TMEM164: variants seen among roughly 807,000 people sequenced by gnomAD.
TMEM164 encodes RP13-360B22.2.
In TMEM164, 4 loss-of-function variants were observed where a neutral mutation model predicts 18.8. The observed-to-expected ratio is 0.21, with a 90% CI of 0.10 to 0.49. The LOEUF is 0.49. Among genes scored for constraint, TMEM164 ranks in the 20% least tolerant of loss-of-function variants. TMEM164 has a pLI of 0.98. For missense variants in TMEM164, 108 were observed against 239.9 expected (o/e 0.45, Z 3.63); for synonymous variants, 86 against 101.7 (o/e 0.85, Z 0.93).
At chrX:110,060,484 ATTCCTGTATATCC>A (rs757240657) in intron 2 of TMEM164, among the ~76,000 whole-genome samples, 2 of 111,484 alleles carry the variant, frequency 1.8e-5, no homozygotes, top group Admixed American at 1.9e-4. Context: ...ATTACAGAGA[ATTCCTGTATATCC>A]TTCACCCAGC....
chrX:110,030,820 A>AG (rs1245093119), intron 2 of TMEM164, among the ~76,000 whole-genome samples: 1 of 109,721 alleles, frequency 9.1e-6, no homozygotes, highest in African/African-American at 3.3e-5. Context: ...CAAAAAAAAA[A>AG]AAAAAGAAAA....
chrX:110,160,245 C>T (rs1205321679), intron 5 of TMEM164, among the ~76,000 whole-genome samples: 1 of 111,978 alleles, frequency 8.9e-6, no homozygotes, highest in Non-Finnish European at 1.9e-5. Flanking sequence ...TTTTCACTGA[C>T]CTCTAGCAGA....
chrX:110,099,226 G>A (rs1290733778), intron 3 of TMEM164, among the ~76,000 whole-genome samples: 3 of 110,370 alleles, frequency 2.7e-5, no homozygotes, highest in African/African-American at 9.9e-5. Context: ...TCTTTTCATT[G>A]TCTTAAAGTG....
chrX:110,066,593 G>T (rs1029650246), intron 2 of TMEM164, among the ~76,000 whole-genome samples: 2 of 112,228 alleles, frequency 1.8e-5, no homozygotes, highest in African/African-American at 6.5e-5. Flanking sequence ...CTCTGCATAG[G>T]ACTTTTTTGT....
intron 6 of TMEM164, among the ~76,000 whole-genome samples, chrX:110,172,687 A>G (rs2067247362): frequency 9.0e-6 from 1 of 111,518 alleles, no homozygotes. Context: ...CCCTCACCCC[A>G]TTCCTCACCA....
chrX:110,152,450 A>G (rs1181814818), intron 5 of TMEM164, among the ~76,000 whole-genome samples: 3 of 111,637 alleles, frequency 2.7e-5, no homozygotes, highest in South Asian at 3.7e-4. Flanking sequence ...TAAAAAATAT[A>G]TATCCCATAT....
In TMEM164 at chrX:110,176,187, T is replaced by C. The variant is rs920622275; in HGVS notation, c.*2736T>C. ...CTTAGGAAGGGAAAAGAGTACTCCC[T>C]CCAGCCCCTAGGTAGCCTTGGCCAG... On this transcript the variant is annotated 3_prime_UTR_variant, in exon 7 of 7. Transcript: ENST00000372068. 1 of 755,086 alleles carries C rather than the reference T, an allele frequency of 1.3e-6. No homozygotes were observed. Among genetic ancestry groups the C allele is most frequent in the African/African-American group, 2.3e-5 (1 of 43,340 alleles). 62.2% of individuals were successfully genotyped at this position (755,086 alleles called of 1,213,427 possible).
intron 2 of TMEM164, among the ~76,000 whole-genome samples, chrX:110,019,134 T>C (rs776617557): frequency 9.0e-6 from 1 of 111,354 alleles, no homozygotes; most frequent in Admixed American, 9.5e-5. Context: ...AAGCCATGCA[T>C]CCTAAGTAAA....
At chrX:110,017,015 A>C (rs1308898755) in intron 2 of TMEM164, among the ~76,000 whole-genome samples, 1 of 112,077 alleles carries the variant, frequency 8.9e-6, no homozygotes, top group Non-Finnish European at 1.9e-5. Context: ...GGTAGACTAT[A>C]GGCACTGGAT....
chrX:110,034,759 A>G (rs1295039789), intron 2 of TMEM164, among the ~76,000 whole-genome samples: 3 of 104,729 alleles, frequency 2.9e-5, no homozygotes, highest in Non-Finnish European at 5.9e-5. Flanking sequence ...TGCTATAAAG[A>G]CACATGCACA....
intron 2 of TMEM164, among the ~76,000 whole-genome samples, chrX:110,037,865 C>T (rs1289717017): frequency 8.9e-6 from 1 of 112,313 alleles, no homozygotes; most frequent in Non-Finnish European, 1.9e-5. Flanking sequence ...ACTACCTACT[C>T]CTTACTGCCC....
intron 2 of TMEM164, among the ~76,000 whole-genome samples, chrX:110,011,314 G>C (rs1263213061): frequency 8.9e-6 from 1 of 111,870 alleles, no homozygotes; most frequent in African/African-American, 3.3e-5. Context: ...AAAGCATAGG[G>C]GACAGGGGTC....
intron 5 of TMEM164, among the ~76,000 whole-genome samples, chrX:110,156,399 G>A (rs928628575): frequency 8.9e-6 from 1 of 111,816 alleles, no homozygotes; most frequent in African/African-American, 3.3e-5. Flanking sequence ...AATTAATATT[G>A]GATATTGATT....
At chrX:110,183,222 T>G (rs781025058), downstream of TMEM164, among the ~76,000 whole-genome samples, 9 of 112,372 alleles carry the variant, frequency 8.0e-5, no homozygotes, top group Non-Finnish European at 1.5e-4. Flanking sequence ...TCAGAACTCA[T>G]GTATGCTTGT....
chrX:110,118,743 C>G (rs1360889287), intron 4 of TMEM164, among the ~76,000 whole-genome samples: 1 of 110,721 alleles, frequency 9.0e-6, no homozygotes. Context: ...GAGTCAAAGT[C>G]CGAAGAACCA....
intron 4 of TMEM164, among the ~76,000 whole-genome samples, chrX:110,129,605 C>T (rs187945048): frequency 1.5e-3 from 170 of 112,500 alleles, no homozygotes; most frequent in African/African-American, 5.0e-3. Flanking sequence ...TTATCCAGGA[C>T]TTTTGGATGT....
chrX:110,122,023 C>A (rs1426261235), intron 4 of TMEM164, among the ~76,000 whole-genome samples: 1 of 111,829 alleles, frequency 8.9e-6, no homozygotes, highest in Non-Finnish European at 1.9e-5. Flanking sequence ...AATGAGCATT[C>A]TTTTGAGCAT....
At chrX:110,051,333 C>A (rs1296916447) in intron 2 of TMEM164, among the ~76,000 whole-genome samples, 1 of 110,286 alleles carries the variant, frequency 9.1e-6, no homozygotes, top group African/African-American at 3.3e-5. Context: ...ATTTTTTTTT[C>A]TTTTATGAAA....
chrX:110,052,911 C>G (rs1432242078), intron 2 of TMEM164, among the ~76,000 whole-genome samples: 1 of 109,961 alleles, frequency 9.1e-6, no homozygotes, highest in African/African-American at 3.3e-5. Flanking sequence ...CCACCATGCC[C>G]AGCTAATTTT....
Sources: gnomAD v4.1 joint callset for allele counts (sites outside exome capture counted in the v4.1 genomes callset) on GRCh38, gnomAD v4.1.1 for gene constraint, MANE v1.5 for transcripts, NCBI Gene and HGNC (gene_info 2026-07-23, HGNC 2026-07-21) for gene names.